The following PTPRC variants were observed in gnomAD, a reference collection of about 807,000 sequenced individuals.
The protein encoded by PTPRC is protein tyrosine phosphatase receptor type C, also known as receptor-type tyrosine-protein phosphatase C.
PTPRC carries 44 observed loss-of-function variants against 155.9 expected under a neutral mutation model. The observed-to-expected ratio is 0.28, with a 90% confidence interval of 0.22 to 0.36. PTPRC has a LOEUF of 0.36. Among genes scored for constraint, PTPRC ranks in the 10% least tolerant of loss-of-function variants. The pLI is 1.00. For missense variants in PTPRC, 1,401 were observed against 1,564.6 expected (o/e 0.90, Z 1.76); for synonymous variants, 525 against 533.1 (o/e 0.98, Z 0.21).
chr1:198,741,315 C>T (rs1260455332), intron 23 of PTPRC, among the ~76,000 whole-genome samples: 1 of 151,872 alleles, frequency 6.6e-6, no homozygotes, highest in Non-Finnish European at 1.5e-5. Context: ...AGTCGTCTCT[C>T]TACATTCTGT....
chr1:198,752,116 A>C (rs753614377), intron 29 of PTPRC, 133 bp from the exon 30 acceptor site: 37 of 1,074,304 alleles, frequency 3.4e-5, no homozygotes, highest in Non-Finnish European at 4.3e-5. Flanking sequence ...AGTAGGTTTC[A>C]ATTTTAGAAC....
At chr1:198,643,188 T>C (rs747607728) in intron 2 of PTPRC, among the ~76,000 whole-genome samples, 2 of 151,758 alleles carry the variant, frequency 1.3e-5, no homozygotes, top group Non-Finnish European at 2.9e-5. Flanking sequence ...CAATCTGCTC[T>C]TTTTTGTGAT....
chr1:198,751,007 C>G (rs1558039838), intron 29 of PTPRC, among the ~76,000 whole-genome samples: 2 of 151,992 alleles, frequency 1.3e-5, no homozygotes, highest in Non-Finnish European at 2.9e-5. Context: ...CATCTTCCTC[C>G]CATTTTTATG....
Position 198,756,439 on chromosome 1 carries a change from T to C in PTPRC, c.*258T>C. 1 of 485,598 alleles carries C rather than the reference T, an allele frequency of 2.1e-6. No homozygotes were observed. Among genetic ancestry groups the C allele is most frequent in the Non-Finnish European group, 3.7e-6 (1 of 268,784 alleles). The allele number at this position is 485,598 out of a possible 1,614,324, so 30.1% of individuals were successfully genotyped here. ...CTTCTTTGTAATCGTTATGTGTGTA[T>C]ATGTATGTGTGTATGGGTGTGTGTT... is the stretch of plus-strand genomic sequence containing the variant. On this transcript the variant is annotated 3_prime_UTR_variant, in exon 33 of 33. Coordinates refer to ENST00000442510, the MANE Select transcript of PTPRC (RefSeq NM_002838.5).
chr1:198,652,797 G>C (rs1484062730), intron 2 of PTPRC, among the ~76,000 whole-genome samples: 1 of 151,688 alleles, frequency 6.6e-6, no homozygotes, highest in East Asian at 1.9e-4. Context: ...ACCCATGAGG[G>C]AAAATCACCA....
At chr1:198,659,036 T>C (rs977096287) in intron 2 of PTPRC, among the ~76,000 whole-genome samples, 1 of 152,188 alleles carries the variant, frequency 6.6e-6, no homozygotes, top group African/African-American at 2.4e-5. Flanking sequence ...AAATCATATT[T>C]TAAAAATATC....
At chr1:198,753,108 A>G (rs2102549780) in intron 31 of PTPRC, among the ~76,000 whole-genome samples, 1 of 152,182 alleles carries the variant, frequency 6.6e-6, no homozygotes, top group East Asian at 1.9e-4. Flanking sequence ...GTAGATGGGT[A>G]TCACCTTACA....
chr1:198,707,591 A>G (rs1322768912), intron 9 of PTPRC, among the ~76,000 whole-genome samples: 1 of 152,206 alleles, frequency 6.6e-6, no homozygotes, highest in Non-Finnish European at 1.5e-5. Context: ...AAATTTGTTA[A>G]CATTTAAATA....
Position 198,735,112 on chromosome 1 carries a change from T to A in PTPRC, c.2278-15T>A, listed in dbSNP as rs1160129682. On this transcript the variant is annotated splice_polypyrimidine_tract_variant and intron_variant, in intron 22 of 32. Coordinates refer to ENST00000442510, the MANE Select transcript of PTPRC (RefSeq NM_002838.5). ...AATTAAAAATTAAAATACTTAATAA[T>A]TTTTTAAAATGTAGAACAAGTGTGC... is the stretch of plus-strand genomic sequence containing the variant. 6.4e-7 allele frequency: 1 copy of A among 1,567,988 alleles called. No individual in the cohort carries two copies. Among genetic ancestry groups the A allele is most frequent in the Non-Finnish European group, 8.7e-7 (1 of 1,155,316 alleles).
At chr1:198,641,551 G>T (rs189868770) in intron 2 of PTPRC, among the ~76,000 whole-genome samples, 423 of 152,112 alleles carry the variant, frequency 2.8e-3, no homozygotes, top group Non-Finnish European at 3.2e-3. Context: ...CTTTGCCACG[G>T]CAACAACCAG....
intron 9 of PTPRC, 135 bp from the exon 10 acceptor site, chr1:198,707,998 C>G (rs1391288268): frequency 8.7e-6 from 6 of 689,710 alleles, no homozygotes; most frequent in African/African-American, 7.3e-5. Context: ...TTTCCCATAG[C>G]AATCTCAATC....
Position 198,716,779 on chromosome 1 carries a change from C to T in PTPRC, c.1389C>T (p.Ile463=). 6.2e-7 allele frequency: 1 copy of T among 1,613,434 alleles called. No individual in the cohort carries two copies. Among genetic ancestry groups the T allele is most frequent in the East Asian group, 2.2e-5 (1 of 44,818 alleles). Residue 463 remains isoleucine (I), a synonymous_variant, in exon 13 of 33, where the codon ATC becomes ATT. Coordinates refer to ENST00000442510, the MANE Select transcript of PTPRC (RefSeq NM_002838.5). ...TKYVLSLHAY[I]IAKVQRNGSA... ...ATGTTTTATCATTACATGCCTACAT[C>T]ATTGCAAAAGTGCAACGTAATGGAA...
chr1:198,694,739 C>T (rs1666110050), intron 3 of PTPRC: 1 of 961,140 alleles, frequency 1.0e-6, no homozygotes, highest in African/African-American at 1.8e-5. Flanking sequence ...TTCTTTCCTA[C>T]TTTCTTTCCA....
intron 23 of PTPRC, among the ~76,000 whole-genome samples, chr1:198,739,708 T>A (rs1348860689): frequency 6.6e-6 from 1 of 151,844 alleles, no homozygotes; most frequent in Non-Finnish European, 1.5e-5. Context: ...TTGGTCTTAA[T>A]GTGCATTGTA....
chr1:198,649,500 A>G (rs1014412270), intron 2 of PTPRC, among the ~76,000 whole-genome samples: 4 of 151,822 alleles, frequency 2.6e-5, no homozygotes, highest in African/African-American at 9.7e-5. Context: ...ACTTGAAGAA[A>G]CTTTAGTGCA....
intron 23 of PTPRC, among the ~76,000 whole-genome samples, chr1:198,735,710 G>A (rs1402279534): frequency 6.6e-6 from 1 of 151,586 alleles, no homozygotes; most frequent in South Asian, 2.1e-4. Context: ...CAGAAAATAA[G>A]GAGGTCATTG....
chr1:198,744,486 A>C (rs575594200), intron 26 of PTPRC, among the ~76,000 whole-genome samples: 2 of 152,014 alleles, frequency 1.3e-5, no homozygotes, highest in African/African-American at 4.8e-5. Flanking sequence ...TCAAAATAAT[A>C]GTATATAGCC....
At chr1:198,754,027 A>AAT (rs1042684500) in intron 31 of PTPRC, among the ~76,000 whole-genome samples, 23 of 152,190 alleles carry the variant, frequency 1.5e-4, no homozygotes, top group African/African-American at 5.5e-4. Flanking sequence ...AATAAAAGAA[A>AAT]ATATATTTGT....
chr1:198,698,359 A>G (rs919097339), intron 4 of PTPRC, among the ~76,000 whole-genome samples: 9 of 152,196 alleles, frequency 5.9e-5, no homozygotes, highest in African/African-American at 2.2e-4. Flanking sequence ...TCAAATAAAA[A>G]CACACTTTCT....
Sources: allele counts gnomAD v4.1 joint callset (sites outside exome capture counted in the v4.1 genomes callset), GRCh38; gene constraint gnomAD v4.1.1; transcripts MANE v1.5; gene names NCBI Gene and HGNC (gene_info 2026-07-23, HGNC 2026-07-21).